ALMS1: variants seen among roughly 807,000 people sequenced by gnomAD.
ALMS1 encodes ALMS1 centrosome and basal body associated protein.
ALMS1 carries 271 observed loss-of-function variants against 352.2 expected under a neutral mutation model. That is an observed-to-expected ratio of 0.77 (90% confidence interval 0.70 to 0.85). ALMS1 has a LOEUF of 0.85. Among genes scored for constraint, ALMS1 ranks in the 40% least tolerant of loss-of-function variants. The pLI is 0.00. For synonymous variants in ALMS1, 1,865 were observed against 1,761.2 expected (o/e 1.06, Z -1.48); for missense variants, 5,445 against 4,870.7 (o/e 1.12, Z -3.51).
intron 9 of ALMS1, among the ~76,000 whole-genome samples, chr2:73,455,951 C>T (rs1672051572): frequency 6.6e-6 from 1 of 152,142 alleles, no homozygotes; most frequent in African/African-American, 2.4e-5. Context: ...CTTGAGTACA[C>T]AGCTATAATA....
chr2:73,593,509 T>C (rs1357868028), intron 16 of ALMS1, among the ~76,000 whole-genome samples: 1 of 152,208 alleles, frequency 6.6e-6, no homozygotes, highest in Non-Finnish European at 1.5e-5. Flanking sequence ...ACCTTTTTTC[T>C]CCAAACAAGA....
rs565546868 is a variant in ALMS1 at position 73,600,829 on chromosome 2, C to G, written c.11820C>G (p.Thr3940=). Residue 3940 remains threonine (T), a synonymous_variant, in exon 18 of 23, where the codon ACC becomes ACG. Transcript: ENST00000613296. ...AACGTGAAGAGAAAATGCTCTTTAC[C>G]GGTTATCCTGAGGACAGAAAGTTAA... ...EEKREEKMLF[T]GYPEDRKLKK... is the part of the protein sequence containing the mutation. 39 of 1,614,112 alleles carry G rather than the reference C, an allele frequency of 2.4e-5. 1 individual carries two copies. The South Asian group carries it at 3.7e-4, about 15-fold the overall frequency.
At chr2:73,391,164 T>TC (rs896836050) in intron 1 of ALMS1, among the ~76,000 whole-genome samples, 6 of 151,702 alleles carry the variant, frequency 4.0e-5, no homozygotes, top group African/African-American at 1.2e-4. Context: ...GAGTTCAACA[T>TC]CCCCCCATAA....
At chr2:73,432,160 C>A in intron 6 of ALMS1, 38 bp from the exon 7 acceptor site, 1 of 1,517,566 alleles carries the variant, frequency 6.6e-7, no homozygotes. Flanking sequence ...ATTAATGAGT[C>A]TTTTTCATTT....
At chr2:73,563,347 A>G (rs535818206) in intron 15 of ALMS1, among the ~76,000 whole-genome samples, 60 of 152,316 alleles carry the variant, frequency 3.9e-4, no homozygotes, top group African/African-American at 1.4e-3. Flanking sequence ...AAATCTTTAA[A>G]CATCAAATAA....
chr2:73,545,500 A>G (rs1439461460), intron 12 of ALMS1, among the ~76,000 whole-genome samples: 2 of 152,170 alleles, frequency 1.3e-5, no homozygotes, highest in Non-Finnish European at 2.9e-5. Flanking sequence ...TTTTATGTAT[A>G]TTTTACCACA....
At chr2:73,571,833 A>G (rs967272434) in intron 15 of ALMS1, among the ~76,000 whole-genome samples, 1 of 152,198 alleles carries the variant, frequency 6.6e-6, no homozygotes, top group African/African-American at 2.4e-5. Context: ...ATTACTGACT[A>G]TGAGAATGAA....
chr2:73,539,801 CAAGCGAGAAGAGAAGT>C (rs1674124069), intron 12 of ALMS1, among the ~76,000 whole-genome samples: 2 of 152,168 alleles, frequency 1.3e-5, no homozygotes, highest in African/African-American at 4.8e-5. Flanking sequence ...TGAATGAAAT[CAAGCGAGAAGAGAAGT>C]TTAGAGAAAA....
intron 9 of ALMS1, among the ~76,000 whole-genome samples, chr2:73,481,062 C>T (rs1161299086): frequency 6.6e-6 from 1 of 151,668 alleles, no homozygotes; most frequent in Non-Finnish European, 1.5e-5. Flanking sequence ...TTTTGCTGTG[C>T]AGAAGCTCTT....
At chr2:73,487,171 A>G (rs529846584) in intron 9 of ALMS1, among the ~76,000 whole-genome samples, 1 of 152,340 alleles carries the variant, frequency 6.6e-6, no homozygotes, top group Admixed American at 6.5e-5. Context: ...TGCTGGGCAC[A>G]TTCTCCGCAC....
At chr2:73,472,537 C>T (rs1358452) in intron 9 of ALMS1, among the ~76,000 whole-genome samples, 9,176 of 151,978 alleles carry the variant, frequency 0.06, 683 homozygotes, top group African/African-American at 0.16. Flanking sequence ...AGGGCTCTTG[C>T]AAAAACACCT....
At chr2:73,485,327 C>G (rs1197469780) in intron 9 of ALMS1, among the ~76,000 whole-genome samples, 3 of 151,926 alleles carry the variant, frequency 2.0e-5, no homozygotes, top group African/African-American at 7.2e-5. Context: ...TGTTGGAATA[C>G]CCTGCCGTGT....
In ALMS1 at chr2:73,515,346, T is replaced by C. The variant is rs1340822722; in HGVS notation, c.9540-4429T>C. 2.0e-5 allele frequency among the ~76,000 whole-genome samples: 3 copies of C among 152,168 alleles called. No homozygotes were observed. In the East Asian group the frequency reaches 5.8e-4, roughly 29 times the overall value. Reference sequence around the variant, plus strand: ...TGCTCTCAATATATTAATAACCATTTTGAAGTCTTTTTGTGCTAACTAGTA... The same window carrying C: ...TGCTCTCAATATATTAATAACCATTCTGAAGTCTTTTTGTGCTAACTAGTA... On this transcript the variant is annotated intron_variant, in intron 10 of 22. Coordinates refer to ENST00000613296, the MANE Select transcript of ALMS1 (RefSeq NM_001378454.1).
At position 73,510,539 on chromosome 2, in the gene ALMS1, T is replaced by A. The variant is rs570524668; in HGVS notation, c.9540-9236T>A. Among the ~76,000 whole-genome samples, 3 of 152,338 alleles carry A rather than the reference T, an allele frequency of 2.0e-5. No individual in the cohort carries two copies. In the East Asian group the frequency reaches 5.8e-4, roughly 29 times the overall value. ...ACCCTGTTTGCCTGGGTATCACCAA[T>A]GAAGGCTGCAGAACAGCAAAGTTTG... On this transcript the variant is annotated intron_variant, in intron 10 of 22. Coordinates refer to ENST00000613296, the MANE Select transcript of ALMS1 (RefSeq NM_001378454.1).
At chr2:73,386,280 C>T (rs868854769) in intron 1 of ALMS1, 88 bp downstream of exon 1, 9 of 1,410,352 alleles carry the variant, frequency 6.4e-6, no homozygotes, top group Middle Eastern at 5.1e-4. Flanking sequence ...GCAGGTCACG[C>T]CGCCTGACGG....
At chr2:73,483,608 G>A (rs1450833460) in intron 9 of ALMS1, among the ~76,000 whole-genome samples, 9 of 151,802 alleles carry the variant, frequency 5.9e-5, no homozygotes, top group Non-Finnish European at 1.3e-4. Flanking sequence ...GCAGAGCTGA[G>A]TTCAGTTCCT....
intron 1 of ALMS1, among the ~76,000 whole-genome samples, chr2:73,386,574 CAGATG>C (rs1268529792): frequency 1.2e-4 from 18 of 152,214 alleles, no homozygotes; most frequent in African/African-American, 4.3e-4. Flanking sequence ...AGACAGTGAA[CAGATG>C]AGCTTGACTG....
chr2:73,502,880 T>G (rs1057373784), intron 10 of ALMS1, among the ~76,000 whole-genome samples: 2 of 152,132 alleles, frequency 1.3e-5, no homozygotes, highest in Non-Finnish European at 2.9e-5. Context: ...ATAGAAAAGG[T>G]AAATATGGCA....
chr2:73,455,095 G>T, intron 8 of ALMS1, 67 bp from the exon 9 acceptor site: 1 of 1,535,094 alleles, frequency 6.5e-7, no homozygotes. Context: ...ATGATCTTCT[G>T]TGTTGCAATT....
Sources: allele counts gnomAD v4.1 joint callset (sites outside exome capture counted in the v4.1 genomes callset), GRCh38; gene constraint gnomAD v4.1.1; transcripts MANE v1.5; gene names NCBI Gene and HGNC (gene_info 2026-07-23, HGNC 2026-07-21).